MOSMO: variants seen among roughly 807,000 people sequenced by gnomAD.
MOSMO encodes the protein modulator of smoothened, also known as modulator of smoothened protein.
In MOSMO, 5 loss-of-function variants were observed where a neutral mutation model predicts 18.4. The ratio of observed to expected loss-of-function variants is 0.27; its 90% CI spans 0.14 to 0.57. MOSMO has a LOEUF of 0.57. Ranked by LOEUF, MOSMO falls within the 20% of genes least tolerant of loss-of-function variation. The probability of loss-of-function intolerance (pLI) is 0.92; values close to 1 mark genes in which losing one functional copy is unlikely to be tolerated. For missense variants in MOSMO, 138 were observed against 211.8 expected (o/e 0.65, Z 2.16); for synonymous variants, 82 against 82.3 (o/e 1.00, Z 0.02).
At chr16:22,068,465 T>C (rs899360107) in intron 1 of MOSMO, among the ~76,000 whole-genome samples, 2 of 152,232 alleles carry the variant, frequency 1.3e-5, no homozygotes, top group African/African-American at 4.8e-5. Flanking sequence ...ATTGTGCAAC[T>C]ATCACCAATG....
chr16:22,079,853 G>T (rs558456241), intron 2 of MOSMO, among the ~76,000 whole-genome samples: 3 of 152,110 alleles, frequency 2.0e-5, no homozygotes, highest in South Asian at 4.2e-4. Context: ...GCACAATCTT[G>T]GCTCACTACA....
At chr16:22,026,912 GTC>G (rs1232812073) in intron 1 of MOSMO, among the ~76,000 whole-genome samples, 29 of 150,928 alleles carry the variant, frequency 1.9e-4, no homozygotes, top group Non-Finnish European at 1.8e-4. Flanking sequence ...CGTGTAGCAA[GTC>G]TCTGTTTTTT....
chr16:22,018,547 A>C (rs1490167116), intron 1 of MOSMO, among the ~76,000 whole-genome samples: 1 of 152,210 alleles, frequency 6.6e-6, no homozygotes, highest in African/African-American at 2.4e-5. Flanking sequence ...TCCCATAGAT[A>C]TTCCCTATGC....
chr16:22,061,379 AG>A (rs1205555000), intron 1 of MOSMO, among the ~76,000 whole-genome samples: 1 of 152,202 alleles, frequency 6.6e-6, no homozygotes, highest in East Asian at 1.9e-4. Flanking sequence ...AAGACAATGA[AG>A]CTTTTTGCTC....
At chr16:22,008,468 A>G in intron 1 of MOSMO, 61 bp downstream of exon 1, 3 of 1,094,786 alleles carry the variant, frequency 2.7e-6, no homozygotes, top group Non-Finnish European at 2.4e-6. Context: ...GAGAGAGGGG[A>G]GACCCGGACT....
At chr16:22,046,131 C>T (rs1289552028) in intron 1 of MOSMO, among the ~76,000 whole-genome samples, 1 of 151,526 alleles carries the variant, frequency 6.6e-6, no homozygotes, top group Admixed American at 6.6e-5. Flanking sequence ...GAAAAGCAGG[C>T]AGCTGAGGAA....
intron 1 of MOSMO, among the ~76,000 whole-genome samples, chr16:22,037,330 A>G (rs1342680026): frequency 1.3e-5 from 2 of 152,186 alleles, no homozygotes; most frequent in Non-Finnish European, 2.9e-5. Flanking sequence ...ATGTATTTGC[A>G]AGAAGAAAGA....
At chr16:22,047,841 A>G (rs1426872782) in intron 1 of MOSMO, among the ~76,000 whole-genome samples, 2 of 152,182 alleles carry the variant, frequency 1.3e-5, no homozygotes, top group Non-Finnish European at 2.9e-5. Context: ...AGGAAGGGAA[A>G]GAGCTCAGAC....
chr16:22,008,260 G>A lies in MOSMO; in HGVS notation c.-42G>A. The A allele has an allele frequency of 7.4e-7, 1 of 1,355,918 alleles. No individual in the cohort carries two copies. Among genetic ancestry groups the A allele is most frequent in the Non-Finnish European group, 9.9e-7 (1 of 1,014,670 alleles). 84.0% of individuals were successfully genotyped at this position (1,355,918 alleles called of 1,614,324 possible). ...ATGGGGCGGGAGGCGTGAGGCCGCT[G>A]CCTGTCCGGGGCTCGGGGGGTGGGG... On this transcript the variant is annotated 5_prime_UTR_variant, in exon 1 of 3. Transcript: ENST00000542527.
chr16:22,052,946 ATCTTC>A (rs1306397817), intron 1 of MOSMO, among the ~76,000 whole-genome samples: 1 of 148,816 alleles, frequency 6.7e-6, no homozygotes, highest in Non-Finnish European at 1.5e-5. Context: ...ATATTCTCTC[ATCTTC>A]TTTTTTTTTT....
intron 1 of MOSMO, among the ~76,000 whole-genome samples, chr16:22,028,312 G>A (rs903447291): frequency 6.6e-6 from 1 of 151,002 alleles, no homozygotes; most frequent in African/African-American, 2.4e-5. Context: ...AATCATTTCA[G>A]CAATATGGAT....
At chr16:22,079,195 G>A (rs1186322405) in intron 2 of MOSMO, among the ~76,000 whole-genome samples, 1 of 152,172 alleles carries the variant, frequency 6.6e-6, no homozygotes, top group Non-Finnish European at 1.5e-5. Flanking sequence ...GTAGAGACGA[G>A]TGTCAGCTGA....
chr16:22,078,114 A>C (rs1271479070), intron 2 of MOSMO, among the ~76,000 whole-genome samples: 1 of 151,976 alleles, frequency 6.6e-6, no homozygotes, highest in East Asian at 1.9e-4. Context: ...CTGTTCTTCA[A>C]GTTTGGCCCT....
chr16:22,036,539 C>G (rs1312936229), intron 1 of MOSMO, among the ~76,000 whole-genome samples: 1 of 152,180 alleles, frequency 6.6e-6, no homozygotes, highest in South Asian at 2.1e-4. Context: ...CCTTGAACTT[C>G]TGTGCTCAAG....
chr16:22,047,238 ATTTTTTTTTTTT>A (rs770005970), intron 1 of MOSMO, among the ~76,000 whole-genome samples: 13 of 110,818 alleles, frequency 1.2e-4, no homozygotes, highest in African/African-American at 3.7e-4. Flanking sequence ...ATGCACCATA[ATTTTTTTTTTTT>A]TTTTTTTTTT....
intron 1 of MOSMO, among the ~76,000 whole-genome samples, chr16:22,035,436 A>G (rs1207595515): frequency 6.8e-6 from 1 of 147,674 alleles, no homozygotes; most frequent in Non-Finnish European, 1.5e-5. Flanking sequence ...TGAGGACCTC[A>G]TAGGGCTCCT....
At chr16:22,044,049 CATGAG>C (rs1900260362) in intron 1 of MOSMO, among the ~76,000 whole-genome samples, 1 of 152,080 alleles carries the variant, frequency 6.6e-6, no homozygotes, top group Non-Finnish European at 1.5e-5. Flanking sequence ...CATCAGATCT[CATGAG>C]ACTTATTCAC....
At chr16:22,036,751 C>T (rs1900117638) in intron 1 of MOSMO, among the ~76,000 whole-genome samples, 1 of 152,158 alleles carries the variant, frequency 6.6e-6, no homozygotes, top group South Asian at 2.1e-4. Flanking sequence ...TACCCAGCCA[C>T]AAATTTAGTG....
chr16:22,085,568 AAC>A (rs908071411), downstream of MOSMO: 21 of 152,174 alleles, frequency 1.4e-4, no homozygotes, highest in Non-Finnish European at 2.8e-4. Context: ...AGGAAAAGGT[AAC>A]ACAGTGGCTT....
Sources: gnomAD v4.1 joint callset for allele counts (sites outside exome capture counted in the v4.1 genomes callset) on GRCh38, gnomAD v4.1.1 for gene constraint, MANE v1.5 for transcripts, NCBI Gene and HGNC (gene_info 2026-07-23, HGNC 2026-07-21) for gene names.